Variants in RADX observed in about 807,000 individuals in gnomAD.
RADX encodes the protein RPA1 related single stranded DNA binding protein, X-linked.
Under a neutral mutation model 61.6 loss-of-function variants are expected in RADX, and 36 were observed. That is an observed-to-expected ratio of 0.58 (90% CI 0.45 to 0.77). The LOEUF is 0.77. Ranked by LOEUF, RADX falls within the 30% of genes least tolerant of loss-of-function variation. The pLI is 0.00. For missense variants in RADX, 497 were observed against 651.1 expected (o/e 0.76, Z 2.58); for synonymous variants, 272 against 237.9 (o/e 1.14, Z -1.32).
Position 106,636,616 on chromosome X carries a change from C to T in RADX, c.1377C>T (p.Thr459=). The part of the protein sequence containing the change: ...DNQVPKLLYL[T]TTNESGVFIT... ...AAGTACCTAAGCTGCTTTACCTCAC[C>T]ACTACAAATGAGAGTGGAGTGTTTA... The change falls in exon 7 of 14, where the codon ACC becomes ACT. Residue 459 remains threonine (T), a synonymous_variant. Coordinates refer to ENST00000372548, the MANE Select transcript of RADX (RefSeq NM_018015.6). 8.4e-7 allele frequency: 1 copy of T among 1,186,086 alleles called. No homozygotes were observed. Among genetic ancestry groups the T allele is most frequent in the Non-Finnish European group, 1.1e-6 (1 of 873,540 alleles).
In RADX at chrX:106,662,198, A is replaced by G; in HGVS notation, c.2162A>G (p.Gln721Arg). The change falls in exon 12 of 14, where the codon CAG becomes CGG. Residue 721 changes from glutamine to arginine, a missense_variant. By Grantham distance (43) the Gln-to-Arg change is conservative. This residue lies in a region of RADX where 267 missense variants were observed against 306.9 expected (regional missense o/e 0.87). Coordinates refer to ENST00000372548, the MANE Select transcript of RADX (RefSeq NM_018015.6). ...MFEHRKFLSD[Q>R]YNSQPAKYVP... ...GAACACAGAAAGTTTCTTAGTGACC[A>G]GTATAATTCTCAGCCTGCGAAATAT... 8.3e-7 allele frequency: 1 copy of G among 1,210,654 alleles called. No individual in the cohort carries two copies.
At position 106,612,365 on chromosome X, in the gene RADX, T is replaced by C. The variant is rs764857453; in HGVS notation, c.285T>C (p.Tyr95=). 4 of 1,211,780 alleles carry C rather than the reference T, an allele frequency of 3.3e-6. No individual in the cohort carries two copies. In the South Asian group the frequency reaches 7.0e-5, roughly 21 times the overall value. The change falls in exon 1 of 14, where the codon TAT becomes TAC. Residue 95 remains tyrosine, a synonymous_variant. Transcript: ENST00000372548. ...TGCCCAAGCCTCCCCTTTATTGCTA[T>C]GATGTGACGATCTCAGATGGGGTGT... ...DTVPKPPLYC[Y]DVTISDGVYQ...
intron 4 of RADX, 49 bp downstream of exon 4, chrX:106,632,782 G>T (rs1397211490): frequency 1.0e-6 from 1 of 987,424 alleles, no homozygotes; most frequent in Non-Finnish European, 1.4e-6. Flanking sequence ...TTCAGTCTTG[G>T]TTACTGAAAA....
chrX:106,650,728 A>G (rs1927772355), intron 11 of RADX, among the ~76,000 whole-genome samples: 1 of 111,769 alleles, frequency 8.9e-6, no homozygotes, highest in South Asian at 3.7e-4. Context: ...AAACACGTTT[A>G]AAAAGTTAAA....
intron 10 of RADX, among the ~76,000 whole-genome samples, chrX:106,643,001 G>A (rs962860050): frequency 9.0e-6 from 1 of 110,638 alleles, no homozygotes; most frequent in Non-Finnish European, 1.9e-5. Context: ...TTCATGAAGG[G>A]ATGTTGAATT....
At chrX:106,672,773 A>C (rs1208546143) in intron 13 of RADX, among the ~76,000 whole-genome samples, 1 of 111,792 alleles carries the variant, frequency 8.9e-6, no homozygotes, top group Non-Finnish European at 1.9e-5. Flanking sequence ...GGAGCCAGTG[A>C]CTAGAGTCAA....
chrX:106,612,764 T>G, intron 1 of RADX, 41 bp downstream of exon 1: 1 of 1,121,529 alleles, frequency 8.9e-7, no homozygotes. Context: ...TTAAAAAAAA[T>G]AGTTTTCAGG....
intron 12 of RADX, among the ~76,000 whole-genome samples, chrX:106,664,146 G>A (rs1001180931): frequency 2.7e-5 from 3 of 110,816 alleles, no homozygotes; most frequent in Non-Finnish European, 5.7e-5. Flanking sequence ...GGTATTACTA[G>A]GTACTTGCAA....
At chrX:106,621,687 G>A (rs1222392324) in intron 1 of RADX, among the ~76,000 whole-genome samples, 1 of 111,166 alleles carries the variant, frequency 9.0e-6, no homozygotes, top group Admixed American at 9.6e-5. Context: ...TGGAATGGAG[G>A]ATAAGTAAAG....
intron 10 of RADX, among the ~76,000 whole-genome samples, chrX:106,646,277 A>G (rs1427914836): frequency 9.1e-6 from 1 of 110,495 alleles, no homozygotes; most frequent in African/African-American, 3.3e-5. Flanking sequence ...GGCTGTTGTG[A>G]TGGGGTAAAC....
intron 11 of RADX, among the ~76,000 whole-genome samples, chrX:106,660,024 G>A (rs1280268666): frequency 9.0e-6 from 1 of 111,728 alleles, no homozygotes. Flanking sequence ...TCTAAAATAA[G>A]TCAAGCAGGA....
At chrX:106,652,682 A>G (rs1927823478) in intron 11 of RADX, among the ~76,000 whole-genome samples, 1 of 97,595 alleles carries the variant, frequency 1.0e-5, no homozygotes, top group East Asian at 3.1e-4. Flanking sequence ...AGGAGACAAA[A>G]ACATCATTAA....
At chrX:106,660,947 G>A (rs1252986489) in intron 11 of RADX, among the ~76,000 whole-genome samples, 1 of 111,356 alleles carries the variant, frequency 9.0e-6, no homozygotes, top group African/African-American at 3.3e-5. Flanking sequence ...TGCCAGGCAC[G>A]TCTTATATGG....
At chrX:106,675,773 G>A (rs1258979677) in intron 13 of RADX, among the ~76,000 whole-genome samples, 1 of 111,675 alleles carries the variant, frequency 9.0e-6, no homozygotes, top group African/African-American at 3.3e-5. Context: ...CGTTTTATTA[G>A]GTAAAATCTA....
At chrX:106,644,394 A>G (rs772448330) in intron 10 of RADX, among the ~76,000 whole-genome samples, 7 of 111,136 alleles carry the variant, frequency 6.3e-5, no homozygotes, top group Admixed American at 9.6e-5. Context: ...TAAGTATGAT[A>G]CTAGTTGTGG....
intron 2 of RADX, 50 bp downstream of exon 2, chrX:106,622,843 C>T (rs769284618): frequency 3.4e-5 from 24 of 712,693 alleles, no homozygotes; most frequent in Non-Finnish European, 4.9e-5. Flanking sequence ...TAAATTATAG[C>T]TTACACACCT....
At position 106,640,741 on chromosome X, in the gene RADX, T is replaced by C; in HGVS notation, c.1904+20T>C. 1 of 1,072,565 alleles carries C rather than the reference T, an allele frequency of 9.3e-7. No individual in the cohort carries two copies. The highest frequency in any genetic ancestry group is 2.8e-5 in the Admixed American group (1 of 36,314). 88.4% of individuals were successfully genotyped at this position (1,072,565 alleles called of 1,213,427 possible). On this transcript the variant is annotated intron_variant, in intron 10 of 13. Coordinates refer to ENST00000372548, the MANE Select transcript of RADX (RefSeq NM_018015.6). ...TAATCCGTAAGTCATTTGTATTAAG[T>C]ATATGTAAAGTATATTTTTTCTTTT...
chrX:106,636,293 G>A (rs1927355783), intron 6 of RADX, among the ~76,000 whole-genome samples: 1 of 111,862 alleles, frequency 8.9e-6, no homozygotes, highest in African/African-American at 3.2e-5. Flanking sequence ...AAAAAGCAGA[G>A]TAGTGTTAAA....
rs1346509569 is a variant in RADX, at chrX:106,632,785, A to G, written c.1088+52A>G. On this transcript the variant is annotated intron_variant, in intron 4 of 13. Transcript: ENST00000372548. ...TAAATATTAATCTTCAGTCTTGGTT[A>G]CTGAAAAACAATGCATTATAATTTG... is the stretch of plus-strand genomic sequence containing the variant. The G allele has an allele frequency of 7.2e-6, 7 of 972,081 alleles. No homozygotes were observed. The African/African-American group carries it at 1.4e-4, about 19-fold the overall frequency. The allele number at this position is 972,081 out of a possible 1,213,427, so 80.1% of individuals were successfully genotyped here.
Sources: allele counts gnomAD v4.1 joint callset (sites outside exome capture counted in the v4.1 genomes callset), GRCh38; gene constraint gnomAD v4.1.1; regional missense constraint gnomAD v4.1.1; transcripts MANE v1.5; gene names NCBI Gene and HGNC (gene_info 2026-07-23, HGNC 2026-07-21).